Variants in NUP93 observed in about 807,000 individuals in gnomAD.
NUP93 encodes nucleoporin 93, also known as nuclear pore complex protein Nup93.
A neutral mutation model predicts 107.8 loss-of-function variants in NUP93; 55 were observed. That is an observed-to-expected ratio of 0.51 (90% CI 0.41 to 0.64). NUP93 has a LOEUF of 0.64. Among genes scored for constraint, NUP93 ranks in the 30% least tolerant of loss-of-function variants. The pLI is 0.00. For missense variants in NUP93, 937 were observed against 1,044.7 expected, an observed-to-expected ratio of 0.90 and a Z score of 1.42; for synonymous variants, 390 against 397.5, an observed-to-expected ratio of 0.98 and a Z score of 0.22.
At chr16:56,830,446 G>A (rs1251256652) in intron 9 of NUP93, 82 bp from the exon 10 acceptor site, 3 of 1,329,530 alleles carry the variant, frequency 2.3e-6, no homozygotes, top group African/African-American at 1.5e-5. Context: ...ATAAAGGAGA[G>A]GGGCTTAGCT....
At position 56,739,859 on chromosome 16, in the gene NUP93, G is replaced by A. The variant is rs866278399; in HGVS notation, c.-14-8375G>A. ...TGGCCGGGCGGAGGGCTCACCCCCC[G>A]ACCTCCCTCCCGGACGGGGCGGCTG... is the stretch of plus-strand genomic sequence containing the variant. On this transcript the variant is annotated intron_variant, in intron 1 of 21. Coordinates refer to ENST00000308159, the MANE Select transcript of NUP93 (RefSeq NM_014669.5). Among the ~76,000 whole-genome samples, 2 of 5,582 alleles carry A rather than the reference G, an allele frequency of 3.6e-4. 1 individual carries two copies. Among genetic ancestry groups the A allele is most frequent in the South Asian group, 0.021 (2 of 94 alleles). The allele number at this position is 5,582 out of a possible 152,430, so 3.7% of individuals were successfully genotyped here. A position where few individuals can be genotyped will look rare whatever the true frequency, so the allele number is the denominator to read the frequency against.
intron 1 of NUP93, among the ~76,000 whole-genome samples, chr16:56,735,599 C>A (rs1363944049): frequency 6.6e-6 from 1 of 152,182 alleles, no homozygotes; most frequent in Non-Finnish European, 1.5e-5. Context: ...ATTCCTAGCA[C>A]TTTGGGAGGC....
chr16:56,798,612 A>C, intron 4 of NUP93, 74 bp downstream of exon 4: 1 of 1,209,124 alleles, frequency 8.3e-7, no homozygotes. Context: ...TCACATCTGT[A>C]ATCCTAACAC....
intron 3 of NUP93, among the ~76,000 whole-genome samples, chr16:56,759,019 A>C (rs774673353): frequency 2.6e-5 from 4 of 152,090 alleles, no homozygotes; most frequent in Non-Finnish European, 5.9e-5. Flanking sequence ...CGTCTTCCAC[A>C]TTTCTTTTTT....
chr16:56,793,198 TCAG>T (rs1173339357), intron 3 of NUP93, among the ~76,000 whole-genome samples: 1 of 152,230 alleles, frequency 6.6e-6, no homozygotes, highest in African/African-American at 2.4e-5. Flanking sequence ...AGGGTCTGTT[TCAG>T]CACCCTGGCA....
intron 20 of NUP93, 97 bp from the exon 21 acceptor site, chr16:56,841,608 C>T (rs1231452247): frequency 5.4e-6 from 8 of 1,469,316 alleles, no homozygotes; most frequent in Non-Finnish European, 7.4e-6. Flanking sequence ...AGGAGTGGTG[C>T]AACCAGGCCT....
In NUP93 at chr16:56,839,034, G is replaced by A. The variant is rs1000580837; in HGVS notation, c.2101G>A (p.Glu701Lys). The A allele has an allele frequency of 4.3e-6, 7 of 1,613,538 alleles. No homozygotes were observed. The highest frequency in any genetic ancestry group is 3.3e-5 in the Admixed American group (2 of 59,976). ...LLLDLITFFD[E>K]YHSGHIDRAF... ...TTTGGACTTGATCACCTTTTTTGAC[G>A]AGTATCATAGTGGTCATATTGATAG... The change falls in exon 19 of 22, where the codon GAG becomes AAG. Residue 701 changes from glutamate (E) to lysine (K), a missense_variant. By Grantham distance (56) the Glu-to-Lys change is moderately conservative (BLOSUM62 1). Transcript: ENST00000308159.
At chr16:56,816,363 G>T (rs1162096609) in intron 5 of NUP93, among the ~76,000 whole-genome samples, 1 of 152,148 alleles carries the variant, frequency 6.6e-6, no homozygotes, top group African/African-American at 2.4e-5. Flanking sequence ...AGCTTGAATA[G>T]GGGTATATAT....
At chr16:56,791,847 C>A (rs1275066019) in intron 3 of NUP93, among the ~76,000 whole-genome samples, 1 of 152,142 alleles carries the variant, frequency 6.6e-6, no homozygotes, top group Non-Finnish European at 1.5e-5. Context: ...ATTTATTGTT[C>A]TACAACAATA....
At chr16:56,815,181 TACA>T (rs150009733) in intron 5 of NUP93, among the ~76,000 whole-genome samples, 3,205 of 152,352 alleles carry the variant, frequency 0.021, 57 homozygotes, top group East Asian at 0.075. Context: ...TATATTTAGC[TACA>T]ACAACTGTGT....
intron 1 of NUP93, among the ~76,000 whole-genome samples, chr16:56,737,793 G>A (rs1961637295): frequency 6.6e-6 from 1 of 152,210 alleles, no homozygotes; most frequent in Non-Finnish European, 1.5e-5. Context: ...AAATGCAATG[G>A]TTTTAAAATT....
At chr16:56,819,529 AG>A (rs1338796642) in intron 6 of NUP93, among the ~76,000 whole-genome samples, 7 of 152,120 alleles carry the variant, frequency 4.6e-5, no homozygotes, top group Non-Finnish European at 7.4e-5. Flanking sequence ...AGATTCTTTG[AG>A]GGGGGACCCA....
intron 6 of NUP93, among the ~76,000 whole-genome samples, chr16:56,820,582 G>T (rs1418204070): frequency 6.6e-6 from 1 of 152,202 alleles, no homozygotes; most frequent in Non-Finnish European, 1.5e-5. Flanking sequence ...CTCCCAAAGT[G>T]CTGGGATTAA....
At chr16:56,820,626 A>T (rs551859788) in intron 6 of NUP93, among the ~76,000 whole-genome samples, 1 of 152,216 alleles carries the variant, frequency 6.6e-6, no homozygotes, top group East Asian at 1.9e-4. Context: ...GAAACCGTTT[A>T]ATCTTCATAA....
At chr16:56,737,008 T>C (rs1697522598) in intron 1 of NUP93, among the ~76,000 whole-genome samples, 1 of 152,226 alleles carries the variant, frequency 6.6e-6, no homozygotes, top group African/African-American at 2.4e-5. Context: ...TCTAAAAAAC[T>C]GTGAGTCAAC....
At chr16:56,832,100 A>G (rs1479915960) in intron 11 of NUP93, 93 bp downstream of exon 11, 24 of 1,478,246 alleles carry the variant, frequency 1.6e-5, no homozygotes, top group Non-Finnish European at 2.1e-5. Context: ...TATGATGCCA[A>G]TACAGTGATC....
intron 3 of NUP93, among the ~76,000 whole-genome samples, chr16:56,762,845 A>G (rs1302168087): frequency 6.6e-6 from 1 of 152,084 alleles, no homozygotes; most frequent in African/African-American, 2.4e-5. Context: ...GGCTTAGGGC[A>G]GGGTATCTTC....
chr16:56,782,075 C>T, intron 3 of NUP93: 7 of 985,454 alleles, frequency 7.1e-6, no homozygotes, highest in Non-Finnish European at 8.4e-6. Flanking sequence ...CCACCCCCAT[C>T]CCTCAATTCA....
intron 3 of NUP93, among the ~76,000 whole-genome samples, chr16:56,773,992 TTAA>T (rs1303973424): frequency 1.3e-5 from 2 of 152,214 alleles, no homozygotes; most frequent in African/African-American, 2.4e-5. Flanking sequence ...AACTTATGAC[TTAA>T]TAATTTGTCA....
Sources: allele counts gnomAD v4.1 joint callset (sites outside exome capture counted in the v4.1 genomes callset), GRCh38; gene constraint gnomAD v4.1.1; transcripts MANE v1.5; gene names NCBI Gene and HGNC (gene_info 2026-07-23, HGNC 2026-07-21).